Variants in SMYD3 observed in about 807,000 individuals in gnomAD.
The protein encoded by SMYD3 is histone-lysine N-methyltransferase SMYD3.
In SMYD3, 36 loss-of-function variants were observed where a neutral mutation model predicts 57.7. The ratio of observed to expected loss-of-function variants is 0.62; its 90% CI spans 0.48 to 0.82. SMYD3 has a LOEUF of 0.82. Ranked by LOEUF, SMYD3 falls within the 40% of genes least tolerant of loss-of-function variation. The probability of loss-of-function intolerance (pLI) is 0.00; values close to 1 mark genes in which losing one functional copy is unlikely to be tolerated. For synonymous variants in SMYD3, 211 were observed against 195.0 expected (o/e 1.08, Z -0.68); for missense variants, 515 against 538.8 (o/e 0.96, Z 0.44).
intron 8 of SMYD3, among the ~76,000 whole-genome samples, chr1:245,910,219 A>G (rs1274754803): frequency 6.6e-6 from 1 of 152,182 alleles, no homozygotes; most frequent in Admixed American, 6.5e-5. Context: ...ACAATAAAAT[A>G]GCATAAACAC....
At chr1:246,369,009 C>G (rs1430327558) in intron 1 of SMYD3, among the ~76,000 whole-genome samples, 1 of 152,172 alleles carries the variant, frequency 6.6e-6, no homozygotes, top group Non-Finnish European at 1.5e-5. Context: ...CTAGAGAAAT[C>G]TGACTAATAC....
At chr1:246,213,102 A>G (rs1338301356) in intron 5 of SMYD3, among the ~76,000 whole-genome samples, 3 of 152,216 alleles carry the variant, frequency 2.0e-5, no homozygotes, top group Non-Finnish European at 4.4e-5. Flanking sequence ...AGAAATGAAT[A>G]AAATTAAAAG....
At chr1:246,487,274 C>G (rs573331264) in intron 1 of SMYD3, among the ~76,000 whole-genome samples, 2 of 152,022 alleles carry the variant, frequency 1.3e-5, no homozygotes, top group African/African-American at 4.8e-5. Context: ...TAGCCAAACC[C>G]CATCTCTACT....
At chr1:246,036,855 C>T (rs560970646) in intron 5 of SMYD3, among the ~76,000 whole-genome samples, 63 of 152,014 alleles carry the variant, frequency 4.1e-4, no homozygotes, top group East Asian at 1.8e-3. Context: ...TGAGCCACCA[C>T]GCCTCGCCTT....
intron 5 of SMYD3, among the ~76,000 whole-genome samples, chr1:246,037,880 G>C (rs1265323879): frequency 1.3e-5 from 2 of 152,314 alleles, no homozygotes; most frequent in African/African-American, 4.8e-5. Flanking sequence ...TTATTCATCA[G>C]AGCAAGAGTT....
intron 1 of SMYD3, among the ~76,000 whole-genome samples, chr1:246,506,848 G>T (rs1249966905): frequency 6.6e-6 from 1 of 151,286 alleles, no homozygotes. Context: ...TCCCAGCCCC[G>T]CTGCGGCAAC....
At chr1:245,880,933 C>G (rs2052746921) in intron 8 of SMYD3, among the ~76,000 whole-genome samples, 1 of 152,014 alleles carries the variant, frequency 6.6e-6, no homozygotes, top group Non-Finnish European at 1.5e-5. Flanking sequence ...GTGCTGAGAT[C>G]AGCACTAAAA....
chr1:245,812,700 C>CAAA (rs201426225), intron 10 of SMYD3, among the ~76,000 whole-genome samples: 20 of 46,572 alleles, frequency 4.3e-4, no homozygotes, highest in South Asian at 7.1e-4. Flanking sequence ...AACAACAGTT[C>CAAA]CAAAAAAAAA....
intron 5 of SMYD3, among the ~76,000 whole-genome samples, chr1:246,143,874 T>C (rs1256292628): frequency 6.6e-6 from 1 of 152,172 alleles, no homozygotes; most frequent in Non-Finnish European, 1.5e-5. Context: ...GGGCACAGGA[T>C]CAAGATATTG....
At chr1:245,916,871 C>A (rs1269195641) in intron 7 of SMYD3, among the ~76,000 whole-genome samples, 1 of 152,150 alleles carries the variant, frequency 6.6e-6, no homozygotes, top group Non-Finnish European at 1.5e-5. Flanking sequence ...TCTAACTCCC[C>A]AAGTGCAATT....
chr1:246,108,626 C>A (rs1034764653), intron 5 of SMYD3: 1 of 152,220 alleles, frequency 6.6e-6, no homozygotes, highest in Non-Finnish European at 1.5e-5. Flanking sequence ...CTATTCACCA[C>A]TTAGTTACTA....
At chr1:245,815,759 A>T (rs1336559756) in intron 10 of SMYD3, among the ~76,000 whole-genome samples, 1 of 152,240 alleles carries the variant, frequency 6.6e-6, no homozygotes, top group Non-Finnish European at 1.5e-5. Flanking sequence ...GTCTCACTGA[A>T]TCAACCCCTA....
At position 245,927,911 on chromosome 1, in the gene SMYD3, G is replaced by A; in HGVS notation, c.702+20C>T. On this transcript the variant is annotated intron_variant, in intron 7 of 11. Transcript: ENST00000490107. Reference sequence around the variant, plus strand: ...TTTGATAGGAAAGAAGGCCAGGCTGGGAAGCATGAGTTTCCTTACCTCCTC... The same window carrying A: ...TTTGATAGGAAAGAAGGCCAGGCTGAGAAGCATGAGTTTCCTTACCTCCTC... 6.3e-7 allele frequency: 1 copy of A among 1,595,262 alleles called. No individual in the cohort carries two copies. Among genetic ancestry groups the A allele is most frequent in the South Asian group, 1.1e-5 (1 of 90,532 alleles).
chr1:246,465,230 G>C (rs1056579009), intron 1 of SMYD3, among the ~76,000 whole-genome samples: 1 of 152,172 alleles, frequency 6.6e-6, no homozygotes, highest in Non-Finnish European at 1.5e-5. Context: ...ATGTTTTCTT[G>C]TCAAATCTGT....
chr1:246,307,983 A>C (rs1341536824), intron 5 of SMYD3, among the ~76,000 whole-genome samples: 1 of 151,910 alleles, frequency 6.6e-6, no homozygotes, highest in Non-Finnish European at 1.5e-5. Context: ...GTCAGCACTG[A>C]CTCTTCCACC....
intron 5 of SMYD3, chr1:245,947,415 C>G (rs930745707): frequency 2.2e-6 from 1 of 457,016 alleles, no homozygotes; most frequent in African/African-American, 2.0e-5. Flanking sequence ...CATATCCCCC[C>G]AAAACGAACC....
chr1:245,787,447 C>T (rs796298340), intron 10 of SMYD3, among the ~76,000 whole-genome samples: 89 of 152,272 alleles, frequency 5.8e-4, no homozygotes, highest in African/African-American at 1.9e-3. Flanking sequence ...TACTCCCTTT[C>T]CATCCCTCTT....
intron 5 of SMYD3, among the ~76,000 whole-genome samples, chr1:246,256,007 T>C (rs1419064734): frequency 3.2e-4 from 48 of 150,508 alleles, no homozygotes; most frequent in African/African-American, 1.1e-3. Context: ...CATACATACA[T>C]ACATAGATAC....
chr1:246,485,628 A>G (rs1347217643), intron 1 of SMYD3, among the ~76,000 whole-genome samples: 3 of 151,870 alleles, frequency 2.0e-5, no homozygotes, highest in Admixed American at 2.0e-4. Flanking sequence ...ATCTCTACAA[A>G]AAAAATTTTT....
Sources: gnomAD v4.1 joint callset for allele counts (sites outside exome capture counted in the v4.1 genomes callset) on GRCh38, gnomAD v4.1.1 for gene constraint, MANE v1.5 for transcripts, NCBI Gene and HGNC (gene_info 2026-07-23, HGNC 2026-07-21) for gene names.